Variants in KCNT2 observed in about 807,000 individuals in gnomAD.
KCNT2 encodes potassium sodium-activated channel subfamily T member 2, also known as potassium channel subfamily T member 2.
Under a neutral mutation model 153.8 loss-of-function variants are expected in KCNT2, and 67 were observed. The observed-to-expected ratio is 0.44, with a 90% CI of 0.36 to 0.53. The LOEUF (loss-of-function observed/expected upper bound fraction) is 0.53, where lower values mean the gene tolerates loss of function less well. Ranked by LOEUF, KCNT2 falls within the 20% of genes least tolerant of loss-of-function variation. The pLI is 0.00. For missense variants in KCNT2, 975 were observed against 1,354.8 expected (o/e 0.72, Z 4.40); for synonymous variants, 500 against 458.8 (o/e 1.09, Z -1.15).
At chr1:196,437,521 A>G (rs1047522552) in intron 8 of KCNT2, among the ~76,000 whole-genome samples, 1 of 148,766 alleles carries the variant, frequency 6.7e-6, no homozygotes, top group Non-Finnish European at 1.5e-5. Flanking sequence ...TTTTTTTGCT[A>G]TCTAAAATAT....
intron 5 of KCNT2, among the ~76,000 whole-genome samples, chr1:196,475,976 T>A (rs1039967683): frequency 2.6e-5 from 4 of 152,184 alleles, no homozygotes; most frequent in Non-Finnish European, 5.9e-5. Flanking sequence ...GTCTTACAAT[T>A]TTCTGCTCTA....
chr1:196,522,809 T>G (rs1244696846), intron 1 of KCNT2, among the ~76,000 whole-genome samples: 1 of 151,970 alleles, frequency 6.6e-6, no homozygotes, highest in Non-Finnish European at 1.5e-5. Context: ...GCATGTTGTG[T>G]CTAGGTAAAG....
intron 26 of KCNT2, among the ~76,000 whole-genome samples, chr1:196,241,560 T>G (rs1361772521): frequency 6.6e-6 from 1 of 152,198 alleles, no homozygotes; most frequent in African/African-American, 2.4e-5. Context: ...ATTATTTTCA[T>G]TATCATTCAA....
At chr1:196,568,739 G>A (rs925977732) in intron 1 of KCNT2, among the ~76,000 whole-genome samples, 7 of 151,462 alleles carry the variant, frequency 4.6e-5, no homozygotes, top group African/African-American at 1.7e-4. Flanking sequence ...ATTGGTCAGT[G>A]GTCCTGAGGC....
chr1:196,367,202 A>C (rs1365550389), intron 14 of KCNT2, among the ~76,000 whole-genome samples: 1 of 152,150 alleles, frequency 6.6e-6, no homozygotes, highest in East Asian at 1.9e-4. Flanking sequence ...TTGTGACAGG[A>C]AACATTAAAA....
intron 1 of KCNT2, among the ~76,000 whole-genome samples, chr1:196,565,552 G>A (rs2148935308): frequency 6.6e-6 from 1 of 150,676 alleles, no homozygotes; most frequent in South Asian, 2.1e-4. Context: ...ACCAATGGAT[G>A]AAAACTTTTT....
At chr1:196,305,383 C>T in intron 21 of KCNT2, 38 bp from the exon 22 acceptor site, 1 of 1,061,710 alleles carries the variant, frequency 9.4e-7, no homozygotes, top group Non-Finnish European at 1.5e-6. Flanking sequence ...CACTAACAAT[C>T]CAATATGGTA....
intron 14 of KCNT2, 101 bp from the exon 15 acceptor site, chr1:196,342,329 A>T: frequency 1.1e-6 from 1 of 917,150 alleles, no homozygotes; most frequent in Non-Finnish European, 1.6e-6. Flanking sequence ...CTGTGTAAGA[A>T]CTGGCAAGCA....
intron 12 of KCNT2, among the ~76,000 whole-genome samples, chr1:196,421,841 A>G (rs959024527): frequency 6.6e-6 from 1 of 151,954 alleles, no homozygotes; most frequent in African/African-American, 2.4e-5. Context: ...TGAGGGAAGG[A>G]TCTGTTCCAG....
intron 14 of KCNT2, among the ~76,000 whole-genome samples, chr1:196,344,230 A>G (rs1203470362): frequency 1.3e-5 from 2 of 152,204 alleles, no homozygotes; most frequent in African/African-American, 4.8e-5. Flanking sequence ...ACACGCAGTA[A>G]ATGTAAGCTG....
chr1:196,533,925 C>A (rs892142209), intron 1 of KCNT2, among the ~76,000 whole-genome samples: 6 of 152,054 alleles, frequency 3.9e-5, no homozygotes, highest in African/African-American at 1.4e-4. Context: ...TCCACTAGTA[C>A]CATAAAGCCT....
At chr1:196,444,038 C>G (rs985895793) in intron 8 of KCNT2, among the ~76,000 whole-genome samples, 2 of 151,144 alleles carry the variant, frequency 1.3e-5, no homozygotes, top group Admixed American at 1.3e-4. Context: ...GAAATGATCC[C>G]TGAGGAACTA....
chr1:196,379,638 A>C (rs929029767), intron 13 of KCNT2, among the ~76,000 whole-genome samples: 1 of 151,696 alleles, frequency 6.6e-6, no homozygotes, highest in Non-Finnish European at 1.5e-5. Flanking sequence ...AGAAAATACA[A>C]GATATATGTA....
At chr1:196,600,381 G>GCAT (rs1664587902) in intron 1 of KCNT2, among the ~76,000 whole-genome samples, 1 of 152,204 alleles carries the variant, frequency 6.6e-6, no homozygotes, top group Admixed American at 6.5e-5. Flanking sequence ...GGAGGTGGTT[G>GCAT]GCTGCAAGGC....
intron 1 of KCNT2, among the ~76,000 whole-genome samples, chr1:196,600,505 C>T (rs1269410956): frequency 1.2e-5 from 1 of 85,202 alleles, no homozygotes; most frequent in Non-Finnish European, 2.3e-5. Flanking sequence ...TTGTCACTAT[C>T]AGTGATTGTT....
At chr1:196,576,495 A>G (rs1661400026) in intron 1 of KCNT2, among the ~76,000 whole-genome samples, 1 of 152,172 alleles carries the variant, frequency 6.6e-6, no homozygotes, top group South Asian at 2.1e-4. Context: ...ACTGTCCTAC[A>G]TAAATTATAT....
chr1:196,281,072 T>C, intron 24 of KCNT2, 84 bp from the exon 25 acceptor site: 1 of 1,088,056 alleles, frequency 9.2e-7, no homozygotes. Context: ...TATTTGCTTA[T>C]TTTTGTGGGG....
rs150276686 is a variant in KCNT2 at position 196,265,230 on chromosome 1, T to A, written c.2911-6736A>T. Among the ~76,000 whole-genome samples, 179 of 152,240 alleles carry A rather than the reference T, an allele frequency of 1.2e-3. 1 individual carries two copies. The highest frequency in any genetic ancestry group is 4.2e-3 in the African/African-American group (173 of 41,548). ...ACCACTGGGGGTCTCTCTTCTTATG[T>A]TTTGCCTTGTTAATTTGTTGTATTG... On this transcript the variant is annotated intron_variant, in intron 25 of 27. Transcript: ENST00000294725.
At chr1:196,229,346 G>A (rs184331191) in intron 27 of KCNT2, among the ~76,000 whole-genome samples, 28 of 151,954 alleles carry the variant, frequency 1.8e-4, no homozygotes, top group African/African-American at 6.5e-4. Flanking sequence ...ATTGTTTTGG[G>A]ATACCACTAT....
Sources: gnomAD v4.1 joint callset for allele counts (sites outside exome capture counted in the v4.1 genomes callset) on GRCh38, gnomAD v4.1.1 for gene constraint, MANE v1.5 for transcripts, NCBI Gene and HGNC (gene_info 2026-07-23, HGNC 2026-07-21) for gene names.